The following EBF1 variants were observed in gnomAD, a reference collection of about 807,000 sequenced individuals.
EBF1 encodes the protein EBF transcription factor 1.
EBF1 carries 10 observed loss-of-function variants against 68.4 expected under a neutral mutation model. The observed-to-expected ratio is 0.15, with a 90% CI of 0.09 to 0.25. The LOEUF (loss-of-function observed/expected upper bound fraction) is 0.25, where lower values mean the gene tolerates loss of function less well. EBF1 is among the 10% of genes least tolerant of loss of function. The pLI is 1.00. For missense variants in EBF1, 509 were observed against 794.4 expected (o/e 0.64, Z 4.32); for synonymous variants, 298 against 299.8 (o/e 0.99, Z 0.06).
chr5:158,719,409 A>G (rs1389382833), intron 11 of EBF1, among the ~76,000 whole-genome samples: 2 of 152,234 alleles, frequency 1.3e-5, no homozygotes, highest in Admixed American at 6.5e-5. Flanking sequence ...ATTCATAGAA[A>G]GACACATTGG....
intron 8 of EBF1, among the ~76,000 whole-genome samples, chr5:158,817,613 C>G (rs1478996200): frequency 6.6e-6 from 1 of 152,192 alleles, no homozygotes. Flanking sequence ...GTTAAAGCAA[C>G]AGAAAACAGA....
intron 6 of EBF1, among the ~76,000 whole-genome samples, chr5:158,969,030 G>A (rs996118007): frequency 7.9e-5 from 12 of 152,158 alleles, no homozygotes; most frequent in Admixed American, 5.2e-4. Flanking sequence ...GGCTGAGCAC[G>A]GTTGCTCACG....
At chr5:158,795,570 G>A (rs1779468696) in intron 9 of EBF1, among the ~76,000 whole-genome samples, 4 of 152,172 alleles carry the variant, frequency 2.6e-5, no homozygotes, top group Non-Finnish European at 4.4e-5. Flanking sequence ...GTGAAAGAGA[G>A]AGTGCTCGGA....
chr5:158,826,985 C>T (rs1457636786), intron 7 of EBF1, among the ~76,000 whole-genome samples: 1 of 152,138 alleles, frequency 6.6e-6, no homozygotes, highest in Non-Finnish European at 1.5e-5. Context: ...GTGACTTTGG[C>T]CAGGTTAACT....
At chr5:158,920,758 CAGGAACTCTTGTG>C (rs1808241891) in intron 6 of EBF1, among the ~76,000 whole-genome samples, 1 of 151,880 alleles carries the variant, frequency 6.6e-6, no homozygotes, top group African/African-American at 2.4e-5. Context: ...TTTTTTTTAA[CAGGAACTCTTGTG>C]AGTCAATCAC....
chr5:158,835,717 G>A lies in EBF1; in HGVS notation c.636+4312C>T, dbSNP rs139133979. On this transcript the variant is annotated intron_variant, in intron 7 of 15. Coordinates refer to ENST00000313708, the MANE Select transcript of EBF1 (RefSeq NM_024007.5). ...TTCCAAAACATCAGAAAATATCTGA[G>A]TCAGACTGCTTGGATTATACCACTG... Among the ~76,000 whole-genome samples, 122 of 152,196 alleles carry A rather than the reference G, an allele frequency of 8.0e-4. 1 individual carries two copies. The highest frequency in any genetic ancestry group is 2.8e-3 in the African/African-American group (117 of 41,520).
intron 10 of EBF1, among the ~76,000 whole-genome samples, chr5:158,748,806 T>C (rs2127586855): frequency 6.6e-6 from 1 of 152,306 alleles, no homozygotes; most frequent in East Asian, 1.9e-4. Context: ...GCCCTCTGAA[T>C]ACCAGTTAAG....
chr5:158,844,244 T>C (rs1790951747), intron 6 of EBF1, among the ~76,000 whole-genome samples: 1 of 148,260 alleles, frequency 6.7e-6, no homozygotes, highest in Non-Finnish European at 1.5e-5. Context: ...ACTCGACATC[T>C]TTCTGTTAAC....
In EBF1 at chr5:158,788,485, A is replaced by G. The variant is rs575555930; in HGVS notation, c.909+7860T>C. Among the ~76,000 whole-genome samples the G allele has an allele frequency of 3.3e-5, 5 of 152,316 alleles. No individual in the cohort carries two copies. The East Asian group carries it at 5.8e-4, about 18-fold the overall frequency. ...AATGTTGGTTGAGGATGTTGAAAAGAAAGGTTGGAGTCAAGGTGGTGTGCT... is the reference window on the plus strand; with the variant it reads ...AATGTTGGTTGAGGATGTTGAAAAGGAAGGTTGGAGTCAAGGTGGTGTGCT... On this transcript the variant is annotated intron_variant, in intron 9 of 15. Coordinates refer to ENST00000313708, the MANE Select transcript of EBF1 (RefSeq NM_024007.5).
intron 6 of EBF1, among the ~76,000 whole-genome samples, chr5:159,031,383 G>A (rs1485551112): frequency 1.3e-5 from 2 of 152,158 alleles, no homozygotes; most frequent in African/African-American, 4.8e-5. Context: ...TGGACATTTG[G>A]GGGAAGCAGT....
intron 10 of EBF1, among the ~76,000 whole-genome samples, chr5:158,735,741 T>C (rs1342709687): frequency 6.6e-6 from 1 of 152,228 alleles, no homozygotes; most frequent in Admixed American, 6.5e-5. Flanking sequence ...TCTGGCTTTA[T>C]GTTGGGACTG....
intron 6 of EBF1, among the ~76,000 whole-genome samples, chr5:159,054,392 T>C (rs1421144759): frequency 6.6e-6 from 1 of 152,356 alleles, no homozygotes; most frequent in Middle Eastern, 3.4e-3. Context: ...ATTTAACGGT[T>C]GGATAATTTA....
chr5:158,732,268 A>G (rs1764251387), intron 10 of EBF1, among the ~76,000 whole-genome samples: 1 of 152,206 alleles, frequency 6.6e-6, no homozygotes, highest in Non-Finnish European at 1.5e-5. Flanking sequence ...CTTAAAATGC[A>G]TTTCCATTAA....
intron 10 of EBF1, among the ~76,000 whole-genome samples, chr5:158,768,239 G>A (rs1773162645): frequency 6.6e-6 from 1 of 152,000 alleles, no homozygotes; most frequent in African/African-American, 2.4e-5. Flanking sequence ...CAAATTCCAG[G>A]GGGCTATGCT....
chr5:159,051,460 G>A (rs1050849492), intron 6 of EBF1, among the ~76,000 whole-genome samples: 1 of 129,054 alleles, frequency 7.7e-6, no homozygotes, highest in African/African-American at 2.8e-5. Context: ...GCCGCCCGGC[G>A]GCTGACGGCT....
intron 7 of EBF1, among the ~76,000 whole-genome samples, chr5:158,834,198 T>A (rs766448511): frequency 6.6e-6 from 1 of 152,178 alleles, no homozygotes; most frequent in African/African-American, 2.4e-5. Context: ...TTGATAAAAA[T>A]TTAAATCTTA....
At chr5:158,912,828 G>GA (rs932857900) in intron 6 of EBF1, among the ~76,000 whole-genome samples, 152 of 150,664 alleles carry the variant, frequency 1.0e-3, no homozygotes, top group African/African-American at 2.8e-3. Context: ...TCAGCCTCAA[G>GA]AAAAAAAAAG....
chr5:158,825,492 G>GAAA (rs33959428), intron 7 of EBF1, among the ~76,000 whole-genome samples: 2 of 147,402 alleles, frequency 1.4e-5, no homozygotes, highest in African/African-American at 2.5e-5. Flanking sequence ...GTCTTAGGAG[G>GAAA]AAAAAAAAAA....
At chr5:158,960,484 G>A (rs763966191) in intron 6 of EBF1, among the ~76,000 whole-genome samples, 4 of 152,064 alleles carry the variant, frequency 2.6e-5, no homozygotes, top group Non-Finnish European at 2.9e-5. Flanking sequence ...AACTGGAAAT[G>A]ATTAATAGAC....
Sources: allele counts gnomAD v4.1 joint callset (sites outside exome capture counted in the v4.1 genomes callset), GRCh38; gene constraint gnomAD v4.1.1; transcripts MANE v1.5; gene names NCBI Gene and HGNC (gene_info 2026-07-23, HGNC 2026-07-21).